PCDH11X: variants seen among roughly 807,000 people sequenced by gnomAD.
The protein encoded by PCDH11X is protocadherin 11 X-linked, also known as protocadherin-11 X-linked.
PCDH11X carries 18 observed loss-of-function variants against 53.3 expected under a neutral mutation model. The observed-to-expected ratio is 0.34, with a 90% CI of 0.23 to 0.50. The LOEUF (loss-of-function observed/expected upper bound fraction) is 0.50, where lower values mean the gene tolerates loss of function less well. PCDH11X is among the 20% of genes least tolerant of loss of function. PCDH11X has a pLI of 0.98. For missense variants in PCDH11X, 570 were observed against 1,032.4 expected (o/e 0.55, Z 6.14); for synonymous variants, 279 against 393.3 (o/e 0.71, Z 3.44).
At chrX:92,226,736 A>T (rs1195647389) in intron 7 of PCDH11X, among the ~76,000 whole-genome samples, 1 of 110,808 alleles carries the variant, frequency 9.0e-6, no homozygotes, top group Non-Finnish European at 1.9e-5. Flanking sequence ...AGGCTGCCAG[A>T]CGGGAGGGCA....
In PCDH11X at chrX:91,809,634, TGTGA is replaced by T. The variant is rs1281700356; in HGVS notation, c.-210+3_-210+6del. On this transcript the variant is annotated splice_donor_variant and splice_donor_region_variant and intron_variant, in intron 2 of 10. Transcript: ENST00000682573. LOFTEE classifies it low-confidence loss of function (5UTR_SPLICE). ...TTGAATATGGTAGCTACTAGCTACA[TGTGA>T]GTATTTAAATTTTAATTTATTAAAT... Among the ~76,000 whole-genome samples, 1 of 105,485 alleles carries T rather than the reference TGTGA, an allele frequency of 9.5e-6. No individual in the cohort carries two copies. Among genetic ancestry groups the T allele is most frequent in the Non-Finnish European group, 2.0e-5 (1 of 51,226 alleles). 91.6% of individuals were successfully genotyped at this position (105,485 alleles called of 115,157 possible).
rs371222657 is a variant in PCDH11X, at chrX:92,258,002, C to A, written c.3115-5112C>A. On this transcript the variant is annotated intron_variant, in intron 7 of 10. Transcript: ENST00000682573. ...GCAGGCTTCTTCCTGGAAATCCAGGCTTTTCCATATGCCCTCTAAAATTCT... is the reference window on the plus strand; with the variant it reads ...GCAGGCTTCTTCCTGGAAATCCAGGATTTTCCATATGCCCTCTAAAATTCT... 1.2e-4 allele frequency among the ~76,000 whole-genome samples: 13 copies of A among 112,439 alleles called. No individual in the cohort carries two copies. The East Asian group carries it at 3.4e-3, about 29-fold the overall frequency.
At chrX:91,800,178 C>G (rs893087000) in intron 1 of PCDH11X, among the ~76,000 whole-genome samples, 1 of 110,364 alleles carries the variant, frequency 9.1e-6, no homozygotes, top group Non-Finnish European at 1.9e-5. Flanking sequence ...TTTCCTTCTT[C>G]CATTGAATTT....
At chrX:91,909,489 G>A (rs1941303121) in intron 6 of PCDH11X, among the ~76,000 whole-genome samples, 1 of 108,650 alleles carries the variant, frequency 9.2e-6, no homozygotes, top group African/African-American at 3.4e-5. Context: ...GTGTTGAAAG[G>A]ATTCTCTTAA....
chrX:92,004,768 CTTTT>C (rs1171124073), intron 6 of PCDH11X, among the ~76,000 whole-genome samples: 3 of 57,157 alleles, frequency 5.2e-5, no homozygotes, highest in Admixed American at 5.2e-4. Flanking sequence ...CTATGTGTGC[CTTTT>C]TTTTTTTTTT....
At chrX:92,067,081 G>A (rs1238861420) in intron 6 of PCDH11X, among the ~76,000 whole-genome samples, 1 of 112,005 alleles carries the variant, frequency 8.9e-6, no homozygotes, top group Non-Finnish European at 1.9e-5. Flanking sequence ...TCTAGCCTGG[G>A]TGACAGAGTG....
At chrX:92,278,918 T>C (rs2068180415) in intron 8 of PCDH11X, among the ~76,000 whole-genome samples, 1 of 105,151 alleles carries the variant, frequency 9.5e-6, no homozygotes, top group Non-Finnish European at 1.9e-5. Flanking sequence ...TTCAAGCGAG[T>C]CTCCTGCCTT....
chrX:92,138,170 T>C (rs1338307519), intron 6 of PCDH11X, among the ~76,000 whole-genome samples: 17 of 108,929 alleles, frequency 1.6e-4, no homozygotes, highest in Non-Finnish European at 3.0e-4. Context: ...TCCATGTCCC[T>C]GCAAAGGACA....
chrX:92,215,670 T>C (rs1404438223), intron 7 of PCDH11X, among the ~76,000 whole-genome samples: 1 of 98,201 alleles, frequency 1.0e-5, no homozygotes, highest in Non-Finnish European at 2.1e-5. Flanking sequence ...CAGACTTAAA[T>C]GTCCCTGTCT....
chrX:92,232,626 A>T (rs2067096444), intron 7 of PCDH11X, among the ~76,000 whole-genome samples: 1 of 112,304 alleles, frequency 8.9e-6, no homozygotes, highest in Non-Finnish European at 1.9e-5. Context: ...TCCTATAGAC[A>T]TAGACAATAA....
chrX:92,321,144 C>A (rs1463652244), intron 8 of PCDH11X, among the ~76,000 whole-genome samples: 1 of 105,680 alleles, frequency 9.5e-6, no homozygotes, highest in Non-Finnish European at 1.9e-5. Flanking sequence ...GCTTGTGGAA[C>A]AGGAGGTCGG....
intron 6 of PCDH11X, among the ~76,000 whole-genome samples, chrX:92,068,058 G>A (rs1284105272): frequency 6.4e-5 from 7 of 108,797 alleles, no homozygotes; most frequent in Admixed American, 5.9e-4. Context: ...TTTCTTAGTC[G>A]GGCTACAGAT....
At chrX:92,506,221 T>C (rs868532987) in intron 10 of PCDH11X, among the ~76,000 whole-genome samples, 14 of 81,851 alleles carry the variant, frequency 1.7e-4, no homozygotes, top group African/African-American at 5.6e-4. Context: ...CTTTTCTTTT[T>C]TTTTTTTTTT....
At chrX:92,002,580 G>T (rs1297747655) in intron 6 of PCDH11X, among the ~76,000 whole-genome samples, 1 of 109,562 alleles carries the variant, frequency 9.1e-6, no homozygotes, top group Non-Finnish European at 1.9e-5. Flanking sequence ...TTATTTCATC[G>T]ATGTTTCATA....
chrX:92,085,759 C>G (rs1276779418), intron 6 of PCDH11X, among the ~76,000 whole-genome samples: 1 of 111,088 alleles, frequency 9.0e-6, no homozygotes, highest in Non-Finnish European at 1.9e-5. Context: ...ACAAAAATAT[C>G]ACAGAGCTGG....
intron 7 of PCDH11X, among the ~76,000 whole-genome samples, chrX:92,222,330 C>G (rs1284167933): frequency 9.0e-6 from 1 of 111,480 alleles, no homozygotes; most frequent in Non-Finnish European, 1.9e-5. Context: ...ATGTTAGTGC[C>G]CAAATGTAAA....
intron 9 of PCDH11X, among the ~76,000 whole-genome samples, chrX:92,415,763 A>G (rs768292049): frequency 9.8e-5 from 11 of 111,760 alleles, no homozygotes; most frequent in Admixed American, 2.9e-4. Context: ...CTAAATAGCA[A>G]TCATGCAAAT....
intron 9 of PCDH11X, among the ~76,000 whole-genome samples, chrX:92,454,726 A>AT (rs2072876559): frequency 9.1e-6 from 1 of 109,670 alleles, no homozygotes; most frequent in Non-Finnish European, 1.9e-5. Flanking sequence ...ATGAAATACA[A>AT]TTTTTTCTTT....
rs761444786 is a variant in PCDH11X at position 92,611,746 on chromosome X, G to A, written c.3368-6518G>A. ...CATAGATGACTCATTACTTTAAGGT[G>A]TGTTCCTTCAGTGACTAATATATGA... is the stretch of plus-strand genomic sequence containing the variant. On this transcript the variant is annotated intron_variant, in intron 10 of 10. Coordinates refer to ENST00000682573, the MANE Select transcript of PCDH11X (RefSeq NM_032968.5). Among the ~76,000 whole-genome samples the A allele has an allele frequency of 3.9e-5, 4 of 103,401 alleles. No homozygotes were observed. The South Asian group carries it at 1.7e-3, about 43-fold the overall frequency. 89.8% of individuals were successfully genotyped at this position (103,401 alleles called of 115,157 possible). A position where few individuals can be genotyped will look rare whatever the true frequency, so the allele number is the denominator to read the frequency against.
Sources: allele counts gnomAD v4.1 joint callset (sites outside exome capture counted in the v4.1 genomes callset), GRCh38; gene constraint gnomAD v4.1.1; transcripts MANE v1.5; gene names NCBI Gene and HGNC (gene_info 2026-07-23, HGNC 2026-07-21).